The following DENND2B variants were observed in gnomAD, a reference collection of about 807,000 sequenced individuals.
DENND2B encodes the protein DENN domain-containing protein 2B.
A neutral mutation model predicts 116.0 loss-of-function variants in DENND2B; 32 were observed. That is an observed-to-expected ratio of 0.28 (90% CI 0.21 to 0.37). DENND2B has a LOEUF of 0.37. Ranked by LOEUF, DENND2B falls within the 10% of genes least tolerant of loss-of-function variation. The pLI, the probability that DENND2B is intolerant of heterozygous loss-of-function variation, is 1.00. For missense variants in DENND2B, 1,276 were observed against 1,477.7 expected, an observed-to-expected ratio of 0.86 and a Z score of 2.24; for synonymous variants, 588 against 583.9, an observed-to-expected ratio of 1.01 and a Z score of -0.10.
intron 17 of DENND2B, among the ~76,000 whole-genome samples, chr11:8,697,292 G>C (rs1195086680): frequency 6.6e-6 from 1 of 152,288 alleles, no homozygotes; most frequent in Non-Finnish European, 1.5e-5. Context: ...CAAGGCCTCA[G>C]AAGGAGGAAT....
intron 4 of DENND2B, among the ~76,000 whole-genome samples, chr11:8,825,005 A>C (rs1367459488): frequency 6.6e-6 from 1 of 152,096 alleles, no homozygotes; most frequent in African/African-American, 2.4e-5. Flanking sequence ...AGCATCTTAT[A>C]ATCAAATCAT....
At chr11:8,892,485 T>C (rs1020539121) in intron 1 of DENND2B, among the ~76,000 whole-genome samples, 3 of 151,596 alleles carry the variant, frequency 2.0e-5, no homozygotes, top group African/African-American at 4.9e-5. Flanking sequence ...ATCAACAAAA[T>C]TGATAGACCA....
At chr11:8,906,358 C>A (rs1433013999) in intron 1 of DENND2B, among the ~76,000 whole-genome samples, 1 of 151,488 alleles carries the variant, frequency 6.6e-6, no homozygotes, top group Non-Finnish European at 1.5e-5. Context: ...TGCCACCACG[C>A]CCAGCTAATT....
At chr11:8,790,318 T>C in intron 1 of DENND2B, among the ~76,000 whole-genome samples, 1 of 152,210 alleles carries the variant, frequency 6.6e-6, no homozygotes, top group Non-Finnish European at 1.5e-5. Context: ...TAAACTGCAA[T>C]GCAGTATACT....
chr11:8,869,035 A>C (rs1305319471), intron 2 of DENND2B, among the ~76,000 whole-genome samples: 4 of 152,340 alleles, frequency 2.6e-5, no homozygotes, highest in Middle Eastern at 3.4e-3. Context: ...TGTATTTTAC[A>C]TGCGGCCCCA....
chr11:8,715,840 G>C (rs776138841), intron 5 of DENND2B, 22 bp from the exon 6 acceptor site: 2 of 1,573,812 alleles, frequency 1.3e-6, no homozygotes, highest in Admixed American at 3.4e-5. Flanking sequence ...GAGAGGACGT[G>C]CGAGAGGGGC....
chr11:8,841,994 A>AAATCTACTACTT (rs2062640396), intron 3 of DENND2B, among the ~76,000 whole-genome samples: 1 of 152,242 alleles, frequency 6.6e-6, no homozygotes, highest in Non-Finnish European at 1.5e-5. Flanking sequence ...ACAAGGCGGC[A>AAATCTACTACTT]TCACAAAGTA....
chr11:8,874,519 G>T (rs1246374870), upstream of DENND2B, among the ~76,000 whole-genome samples: 1 of 152,160 alleles, frequency 6.6e-6, no homozygotes, highest in East Asian at 1.9e-4. Flanking sequence ...TTGAAGGACA[G>T]AAGGGTTAAG....
At chr11:8,718,277 A>G in intron 4 of DENND2B, 1 of 1,246,624 alleles carries the variant, frequency 8.0e-7, no homozygotes, top group South Asian at 1.3e-5. Context: ...CCCAGAGATA[A>G]CACAGTTCAA....
chr11:8,776,289 T>C (rs541985141), intron 1 of DENND2B: 4 of 452,910 alleles, frequency 8.8e-6, no homozygotes, highest in Non-Finnish European at 1.8e-5. Context: ...TGGAGTGCTC[T>C]CCTTCTTCCT....
chr11:8,883,245 T>A (rs2063921909), intron 1 of DENND2B, among the ~76,000 whole-genome samples: 1 of 152,160 alleles, frequency 6.6e-6, no homozygotes, highest in Non-Finnish European at 1.5e-5. Context: ...TTAGAATATA[T>A]GACCCATATA....
chr11:8,890,824 A>T (rs2064022510), intron 1 of DENND2B, among the ~76,000 whole-genome samples: 1 of 152,212 alleles, frequency 6.6e-6, no homozygotes, highest in Non-Finnish European at 1.5e-5. Flanking sequence ...TCTGCAGGAT[A>T]TTATCCAGGA....
intron 2 of DENND2B, among the ~76,000 whole-genome samples, chr11:8,860,307 T>A (rs751614199): frequency 2.0e-5 from 3 of 150,274 alleles, no homozygotes; most frequent in African/African-American, 7.4e-5. Flanking sequence ...GATGCCTAGA[T>A]CCTCCAAAAG....
rs748316805 is a variant in DENND2B, at chr11:8,702,559, G to A, written c.2720+13C>T. ...CCCCCTCCCTTCTGCTTTCTTGCCC[G>A]GCTGGGCCCTACCTGAGCTTATCTG... is the stretch of plus-strand genomic sequence containing the variant. On this transcript the variant is annotated intron_variant, in intron 14 of 19. Coordinates refer to ENST00000313726, the MANE Select transcript of DENND2B (RefSeq NM_213618.2). This position sits in a 1 kb window ranked among gnomAD's most constrained non-coding sequence, Gnocchi z 4.6. 58 of 1,610,188 alleles carry A rather than the reference G, an allele frequency of 3.6e-5. No individual in the cohort carries two copies. In the Middle Eastern group the frequency reaches 8.2e-4, roughly 23 times the overall value.
At chr11:8,758,914 C>T (rs1047758038) in intron 1 of DENND2B, among the ~76,000 whole-genome samples, 3 of 152,208 alleles carry the variant, frequency 2.0e-5, no homozygotes, top group African/African-American at 7.2e-5. Context: ...ACCTCCTGGA[C>T]GGCTGGGCAG....
chr11:8,766,747 G>A, intron 1 of DENND2B: 1 of 1,187,704 alleles, frequency 8.4e-7, no homozygotes, highest in Non-Finnish European at 1.1e-6. Flanking sequence ...ATAGTCAACT[G>A]TTGTGATGTC....
chr11:8,726,378 C>T, intron 3 of DENND2B, 169 bp from the exon 4 acceptor site: 1 of 830,574 alleles, frequency 1.2e-6, no homozygotes, highest in Non-Finnish European at 1.8e-6. Flanking sequence ...GACAGATGGT[C>T]TGAAAGGCCC....
chr11:8,710,786 C>G, intron 11 of DENND2B, 59 bp downstream of exon 11: 2 of 1,486,094 alleles, frequency 1.3e-6, no homozygotes, highest in East Asian at 4.5e-5. Context: ...CACACACACA[C>G]ACACACACCC....
At chr11:8,813,173 T>C (rs1364147414), upstream of DENND2B, among the ~76,000 whole-genome samples, 1 of 152,160 alleles carries the variant, frequency 6.6e-6, no homozygotes, top group Non-Finnish European at 1.5e-5. Flanking sequence ...CAAAACAAGA[T>C]TCTGATTGAC....
Sources: allele counts gnomAD v4.1 joint callset (sites outside exome capture counted in the v4.1 genomes callset), GRCh38; gene constraint gnomAD v4.1.1; non-coding constraint Gnocchi (gnomAD v3.1); transcripts MANE v1.5; gene names NCBI Gene and HGNC (gene_info 2026-07-23, HGNC 2026-07-21).